Variants in KCNAB1 observed in about 807,000 individuals in gnomAD.
KCNAB1 encodes the protein potassium voltage-gated channel subfamily A regulatory beta subunit 1.
Under a neutral mutation model 64.6 loss-of-function variants are expected in KCNAB1, and 35 were observed. That is an observed-to-expected ratio of 0.54 (90% CI 0.41 to 0.72). KCNAB1 has a LOEUF of 0.72. Among genes scored for constraint, KCNAB1 ranks in the 30% least tolerant of loss-of-function variants. The pLI, the probability that KCNAB1 is intolerant of heterozygous loss-of-function variation, is 0.00. For synonymous variants in KCNAB1, 177 were observed against 183.8 expected (o/e 0.96, Z 0.30); for missense variants, 401 against 512.9 (o/e 0.78, Z 2.11).
At chr3:156,426,925 A>C (rs1715862471) in intron 2 of KCNAB1, among the ~76,000 whole-genome samples, 1 of 152,226 alleles carries the variant, frequency 6.6e-6, no homozygotes, top group Non-Finnish European at 1.5e-5. Flanking sequence ...TGGGTCAGGA[A>C]TAAGACATGA....
intron 1 of KCNAB1, among the ~76,000 whole-genome samples, chr3:156,150,016 G>T (rs192965692): frequency 1.3e-5 from 2 of 152,286 alleles, no homozygotes; most frequent in Admixed American, 1.3e-4. Flanking sequence ...ATGTCCACAT[G>T]ATTTATTTTA....
At chr3:156,164,670 A>G (rs191771555) in intron 1 of KCNAB1, among the ~76,000 whole-genome samples, 1 of 152,276 alleles carries the variant, frequency 6.6e-6, no homozygotes, top group East Asian at 1.9e-4. Flanking sequence ...TCCCTGTCCA[A>G]ATTGAAAAAG....
At chr3:156,300,551 T>A (rs1001813263) in intron 1 of KCNAB1, among the ~76,000 whole-genome samples, 1 of 152,192 alleles carries the variant, frequency 6.6e-6, no homozygotes, top group Non-Finnish European at 1.5e-5. Flanking sequence ...AATAGCAAGA[T>A]TGGCTAATAA....
chr3:156,227,138 A>G (rs1040440768), intron 1 of KCNAB1, among the ~76,000 whole-genome samples: 4 of 152,222 alleles, frequency 2.6e-5, no homozygotes, highest in Admixed American at 2.0e-4. Context: ...TCTTCGTCAC[A>G]ATGTTGTTTT....
rs1252619426 is a variant in KCNAB1, at chr3:156,516,499, G to A, written c.960+135G>A. 4 of 667,196 alleles carry A rather than the reference G, an allele frequency of 6.0e-6. No homozygotes were observed. In the African/African-American group the frequency reaches 7.2e-5, roughly 12 times the overall value. The allele number at this position is 667,196 out of a possible 1,614,324, so 41.3% of individuals were successfully genotyped here. On this transcript the variant is annotated intron_variant, in intron 11 of 13. Coordinates refer to ENST00000490337, the MANE Select transcript of KCNAB1 (RefSeq NM_172160.3). ...TGTCCAGGCCAGTGGCCTCTGGCAG[G>A]TTCCCCTAAGCCTTCTGGAGGTCTT...
intron 1 of KCNAB1, chr3:156,292,147 C>T (rs1720480108): frequency 2.5e-6 from 4 of 1,612,790 alleles, no homozygotes; most frequent in Admixed American, 1.7e-5. Flanking sequence ...GTAAGATTCC[C>T]TCTGTGCGGG....
intron 1 of KCNAB1, among the ~76,000 whole-genome samples, chr3:156,286,581 A>G (rs1720108667): frequency 1.3e-5 from 2 of 152,204 alleles, no homozygotes; most frequent in Non-Finnish European, 2.9e-5. Flanking sequence ...TTGCCAGGTG[A>G]TAGGAAAAAA....
intron 7 of KCNAB1, 143 bp from the exon 8 acceptor site, chr3:156,474,591 A>T: frequency 1.7e-6 from 1 of 579,430 alleles, no homozygotes. Context: ...TCTAGAGTCA[A>T]TTAACAATCA....
At chr3:156,193,837 A>G (rs1454390820) in intron 1 of KCNAB1, among the ~76,000 whole-genome samples, 1 of 152,164 alleles carries the variant, frequency 6.6e-6, no homozygotes, top group African/African-American at 2.4e-5. Flanking sequence ...AGTGGCTAGT[A>G]TGATGTTTGC....
At chr3:156,520,270 A>G (rs1429265645) in intron 11 of KCNAB1, among the ~76,000 whole-genome samples, 1 of 152,194 alleles carries the variant, frequency 6.6e-6, no homozygotes, top group Non-Finnish European at 1.5e-5. Context: ...CTCCCTGTTG[A>G]TGGCAAAATG....
At chr3:156,147,220 G>C (rs966080641) in intron 1 of KCNAB1, among the ~76,000 whole-genome samples, 2 of 152,088 alleles carry the variant, frequency 1.3e-5, no homozygotes, top group Non-Finnish European at 2.9e-5. Context: ...AAAGTTACAG[G>C]GTCCTTGAGT....
At chr3:156,130,447 A>G (rs1327899501) in intron 1 of KCNAB1, among the ~76,000 whole-genome samples, 1 of 152,226 alleles carries the variant, frequency 6.6e-6, no homozygotes, top group Non-Finnish European at 1.5e-5. Context: ...TAGCTAGCAC[A>G]TTCCTTAGAT....
In KCNAB1 at chr3:156,401,381, C is replaced by T. The variant is rs150683807; in HGVS notation, c.276-20235C>T. On this transcript the variant is annotated intron_variant, in intron 1 of 13. Coordinates refer to ENST00000490337, the MANE Select transcript of KCNAB1 (RefSeq NM_172160.3). ...CCTCTATGATTGAACCAGTCCTTGACATTGAAAGTGTACATCATGAATCAC... is the reference window on the plus strand; with the variant it reads ...CCTCTATGATTGAACCAGTCCTTGATATTGAAAGTGTACATCATGAATCAC... 2.0e-5 allele frequency among the ~76,000 whole-genome samples: 3 copies of T among 152,362 alleles called. No homozygotes were observed. The East Asian group carries it at 5.8e-4, about 29-fold the overall frequency.
At chr3:156,242,817 G>T (rs1717236358) in intron 1 of KCNAB1, among the ~76,000 whole-genome samples, 2 of 145,706 alleles carry the variant, frequency 1.4e-5, no homozygotes, top group Non-Finnish European at 3.0e-5. Context: ...TTTTGATACT[G>T]GCTTTTGTGT....
chr3:156,223,071 T>C (rs1715886483), intron 1 of KCNAB1, among the ~76,000 whole-genome samples: 1 of 152,066 alleles, frequency 6.6e-6, no homozygotes, highest in Non-Finnish European at 1.5e-5. Flanking sequence ...TCACAGTGAG[T>C]GTTACAGTTC....
intron 1 of KCNAB1, among the ~76,000 whole-genome samples, chr3:156,221,112 T>C (rs1209499902): frequency 3.9e-5 from 6 of 152,246 alleles, no homozygotes; most frequent in Non-Finnish European, 8.8e-5. Context: ...CTGTTTTGGT[T>C]ACTGTAGCCT....
intron 1 of KCNAB1, among the ~76,000 whole-genome samples, chr3:156,404,985 T>C (rs888257702): frequency 5.5e-4 from 84 of 152,230 alleles, no homozygotes; most frequent in African/African-American, 1.9e-3. Flanking sequence ...AGCTCAGTTA[T>C]AAACTTTAGA....
chr3:156,308,146 T>C (rs1416667512), intron 1 of KCNAB1, among the ~76,000 whole-genome samples: 1 of 152,154 alleles, frequency 6.6e-6, no homozygotes, highest in African/African-American at 2.4e-5. Context: ...CTTTCAGTAA[T>C]AGATTGGAAG....
intron 1 of KCNAB1, among the ~76,000 whole-genome samples, chr3:156,243,634 T>G (rs924354041): frequency 2.1e-4 from 32 of 152,230 alleles, no homozygotes; most frequent in African/African-American, 7.5e-4. Context: ...GCTATCTGAG[T>G]CTTTTGTAGG....
Sources: gnomAD v4.1 joint callset for allele counts (sites outside exome capture counted in the v4.1 genomes callset) on GRCh38, gnomAD v4.1.1 for gene constraint, MANE v1.5 for transcripts, NCBI Gene and HGNC (gene_info 2026-07-23, HGNC 2026-07-21) for gene names.